Variants in PPP2R2A observed in about 807,000 individuals in gnomAD.
PPP2R2A encodes the protein protein phosphatase 2 regulatory subunit Balpha, also known as serine/threonine-protein phosphatase 2A 55 kDa regulatory subunit B alpha isoform.
PPP2R2A carries 9 observed loss-of-function variants against 53.2 expected under a neutral mutation model. The observed-to-expected ratio is 0.17, with a 90% CI of 0.10 to 0.30. The LOEUF is 0.30. PPP2R2A is among the 10% of genes least tolerant of loss of function. The pLI is 1.00. For synonymous variants in PPP2R2A, 169 were observed against 174.2 expected (o/e 0.97, Z 0.23); for missense variants, 235 against 534.6 (o/e 0.44, Z 5.53).
chr8:26,292,957 C>T (rs1801373971), intron 1 of PPP2R2A, among the ~76,000 whole-genome samples: 1 of 152,166 alleles, frequency 6.6e-6, no homozygotes, highest in Non-Finnish European at 1.5e-5. Context: ...AAACAAGTTG[C>T]TTGTTGGCCT....
intron 3 of PPP2R2A, among the ~76,000 whole-genome samples, chr8:26,344,277 G>T (rs140314235): frequency 2.2e-3 from 335 of 152,298 alleles, no homozygotes; most frequent in Non-Finnish European, 3.9e-3. Flanking sequence ...AATAAAATGA[G>T]ATTTAGAGAG....
Position 26,370,524 on chromosome 8 carries a change from T to A in PPP2R2A, c.*111T>A, listed in dbSNP as rs1805616166. ...CATTGTGGCGCCCCTTTCCAGTGTT[T>A]GACAGTGTGCCATTCGACAACACAT... On this transcript the variant is annotated 3_prime_UTR_variant, in exon 10 of 10. Coordinates refer to ENST00000380737, the MANE Select transcript of PPP2R2A (RefSeq NM_002717.4). This position sits in a 1 kb window ranked among gnomAD's most constrained non-coding sequence, Gnocchi z 6.1. 8.0e-7 allele frequency: 1 copy of A among 1,252,674 alleles called. No individual in the cohort carries two copies. Among genetic ancestry groups the A allele is most frequent in the Admixed American group, 2.1e-5 (1 of 48,266 alleles). The allele number at this position is 1,252,674 out of a possible 1,614,324, so 77.6% of individuals were successfully genotyped here. A position where few individuals can be genotyped will look rare whatever the true frequency, so the allele number is the denominator to read the frequency against.
chr8:26,338,058 C>T lies in PPP2R2A; in HGVS notation c.83-832C>T, dbSNP rs1371385872. ...TTATAAAGCTGATTTATTTTAAATGCACATGATAGGGGCTTTTCTAATTCA... is the reference window on the plus strand; with the variant it reads ...TTATAAAGCTGATTTATTTTAAATGTACATGATAGGGGCTTTTCTAATTCA... On this transcript the variant is annotated intron_variant, in intron 2 of 9. Transcript: ENST00000380737. This position sits in a 1 kb window ranked among gnomAD's most constrained non-coding sequence, Gnocchi z 4.5. Among the ~76,000 whole-genome samples, 1 of 152,122 alleles carries T rather than the reference C, an allele frequency of 6.6e-6. No individual in the cohort carries two copies. The highest frequency in any genetic ancestry group is 2.4e-5 in the African/African-American group (1 of 41,416).
chr8:26,351,232 C>CTGT (rs1209585159), intron 3 of PPP2R2A, among the ~76,000 whole-genome samples: 2 of 152,130 alleles, frequency 1.3e-5, no homozygotes, highest in East Asian at 3.9e-4. Context: ...ATGACTGGTA[C>CTGT]TGTAGCTACT....
At chr8:26,352,977 A>C (rs556144370) in intron 3 of PPP2R2A, among the ~76,000 whole-genome samples, 4 of 152,278 alleles carry the variant, frequency 2.6e-5, no homozygotes, top group African/African-American at 7.2e-5. Flanking sequence ...TAGTCTCTTT[A>C]AGTGTTAAAT....
At chr8:26,369,770 T>G (rs1805575885) in intron 9 of PPP2R2A, among the ~76,000 whole-genome samples, 1 of 152,238 alleles carries the variant, frequency 6.6e-6, no homozygotes, top group African/African-American at 2.4e-5. Context: ...TCTTTTGTTT[T>G]AGAACCTGTG....
At chr8:26,293,224 CA>C (rs1801387336) in intron 1 of PPP2R2A, 4 of 1,535,462 alleles carry the variant, frequency 2.6e-6, no homozygotes, top group Non-Finnish European at 3.5e-6. Context: ...TCATATGAAT[CA>C]TTACTCCTTA....
intron 2 of PPP2R2A, among the ~76,000 whole-genome samples, chr8:26,303,738 A>G (rs1428910782): frequency 6.6e-6 from 1 of 152,164 alleles, no homozygotes; most frequent in African/African-American, 2.4e-5. Context: ...AGGTTTAAAC[A>G]CTGAATGTAA....
intron 2 of PPP2R2A, among the ~76,000 whole-genome samples, chr8:26,303,453 C>G (rs539871505): frequency 1.3e-4 from 20 of 152,026 alleles, no homozygotes; most frequent in Non-Finnish European, 2.6e-4. Flanking sequence ...TATTTTGAGC[C>G]CAACTTGTAG....
At position 26,321,304 on chromosome 8, in the gene PPP2R2A, TGA is replaced by T. The variant is rs1802827640; in HGVS notation, c.83-17585_83-17584del. Among the ~76,000 whole-genome samples the T allele has an allele frequency of 1.1e-5, 1 of 91,730 alleles. No homozygotes were observed. The highest frequency in any genetic ancestry group is 3.1e-5 in the Non-Finnish European group (1 of 31,992). 60.2% of individuals were successfully genotyped at this position (91,730 alleles called of 152,430 possible). ...TAAATGGCTCTTACCAAGAGAAATG[TGA>T]CCAGAGAAATGTGACCTGAGAGAGA... is the stretch of plus-strand genomic sequence containing the variant. On this transcript the variant is annotated intron_variant, in intron 2 of 9. Coordinates refer to ENST00000380737, the MANE Select transcript of PPP2R2A (RefSeq NM_002717.4). This position sits in a 1 kb window ranked among gnomAD's most constrained non-coding sequence, Gnocchi z 4.1.
At chr8:26,291,978 G>T in intron 1 of PPP2R2A, 152 bp downstream of exon 1, 1 of 1,197,992 alleles carries the variant, frequency 8.3e-7, no homozygotes, top group Non-Finnish European at 1.1e-6. Flanking sequence ...GGTGGGGGCG[G>T]GGAGGGCTCC....
chr8:26,330,775 C>T lies in PPP2R2A; in HGVS notation c.83-8115C>T, dbSNP rs150854371. On this transcript the variant is annotated intron_variant, in intron 2 of 9. Transcript: ENST00000380737. ...TTGTATTTTCCTGCCTGTTTATATT[C>T]CTGGTAATTTCGGATTGGAAACCAG... Among the ~76,000 whole-genome samples, 899 of 152,182 alleles carry T rather than the reference C, an allele frequency of 5.9e-3. 9 individuals carry two copies. The highest frequency in any genetic ancestry group is 0.02 in the African/African-American group (841 of 41,502).
intron 2 of PPP2R2A, among the ~76,000 whole-genome samples, chr8:26,306,361 A>G (rs777961302): frequency 6.6e-6 from 1 of 151,854 alleles, no homozygotes; most frequent in Non-Finnish European, 1.5e-5. Flanking sequence ...CTGTAATCCC[A>G]GCTGCTCAGA....
intron 3 of PPP2R2A, among the ~76,000 whole-genome samples, chr8:26,351,507 C>A (rs1210397094): frequency 2.0e-5 from 3 of 152,222 alleles, no homozygotes; most frequent in South Asian, 2.1e-4. Flanking sequence ...AACACAGATA[C>A]AGACTATTTC....
At chr8:26,312,854 G>A (rs1802354918) in intron 2 of PPP2R2A, among the ~76,000 whole-genome samples, 1 of 151,936 alleles carries the variant, frequency 6.6e-6, no homozygotes, top group Non-Finnish European at 1.5e-5. Flanking sequence ...GTTTAATGTT[G>A]TTTTAGATTG....
intron 2 of PPP2R2A, among the ~76,000 whole-genome samples, chr8:26,300,082 C>T (rs1322413502): frequency 2.6e-5 from 4 of 152,080 alleles, no homozygotes; most frequent in Non-Finnish European, 5.9e-5. Flanking sequence ...AAATAGTTTT[C>T]TTGCTTTGTT....
rs1167039932 is a variant in PPP2R2A at position 26,360,273 on chromosome 8, A to G, written c.451A>G (p.Thr151Ala). 6.3e-6 allele frequency: 10 copies of G among 1,582,372 alleles called. No homozygotes were observed. The highest frequency in any genetic ancestry group is 6.9e-6 in the Non-Finnish European group (8 of 1,154,988). ...GTATAGAGATCCTACTACAGTTACT[A>G]CACTACGAGTAAGTACATAAGAAAA... ...GRYRDPTTVT[T>A]LRVPVFRPMD... is the part of the protein sequence containing the mutation. The change falls in exon 5 of 10, where the codon ACA becomes GCA. Residue 151 changes from threonine (T) to alanine (A), a missense_variant. Thr to Ala is a moderately conservative substitution (Grantham distance 58, BLOSUM62 0). Transcript: ENST00000380737. This position sits in a 1 kb window ranked among gnomAD's most constrained non-coding sequence, Gnocchi z 4.5.
intron 3 of PPP2R2A, among the ~76,000 whole-genome samples, chr8:26,348,218 A>G (rs1352964776): frequency 2.0e-5 from 3 of 152,236 alleles, no homozygotes; most frequent in Non-Finnish European, 4.4e-5. Context: ...AGTAAAATAC[A>G]TTTATTATTT....
rs1802858024 is a variant in PPP2R2A at position 26,321,862 on chromosome 8, A to G, written c.83-17028A>G. Among the ~76,000 whole-genome samples the G allele has an allele frequency of 6.6e-6, 1 of 152,320 alleles. No homozygotes were observed. The highest frequency in any genetic ancestry group is 1.9e-4 in the East Asian group (1 of 5,188). On this transcript the variant is annotated intron_variant, in intron 2 of 9. Transcript: ENST00000380737. This position sits in a 1 kb window ranked among gnomAD's most constrained non-coding sequence, Gnocchi z 4.1. ...GACAATTTTTAAGGCAGCAATAGAG[A>G]ACTTATATAGGAAGTAACAATGTCA...
Sources: allele counts gnomAD v4.1 joint callset (sites outside exome capture counted in the v4.1 genomes callset), GRCh38; gene constraint gnomAD v4.1.1; non-coding constraint Gnocchi (gnomAD v3.1); transcripts MANE v1.5; gene names NCBI Gene and HGNC (gene_info 2026-07-23, HGNC 2026-07-21).